MFAP5: variants seen among roughly 807,000 people sequenced by gnomAD.
MFAP5 encodes microfibril associated protein 5.
A neutral mutation model predicts 30.1 loss-of-function variants in MFAP5; 19 were observed. The ratio of observed to expected loss-of-function variants is 0.63; its 90% CI spans 0.44 to 0.93. The LOEUF (loss-of-function observed/expected upper bound fraction) is 0.93, where lower values mean the gene tolerates loss of function less well. Among genes scored for constraint, MFAP5 ranks in the 40% least tolerant of loss-of-function variants. The probability of loss-of-function intolerance (pLI) is 0.00; values close to 1 mark genes in which losing one functional copy is unlikely to be tolerated. For synonymous variants in MFAP5, 92 were observed against 72.9 expected, an observed-to-expected ratio of 1.26 and a Z score of -1.33; for missense variants, 210 against 221.3, an observed-to-expected ratio of 0.95 and a Z score of 0.32.
intron 3 of MFAP5, among the ~76,000 whole-genome samples, chr12:8,657,522 A>T (rs903184105): frequency 1.3e-5 from 2 of 150,554 alleles, no homozygotes; most frequent in African/African-American, 4.9e-5. Flanking sequence ...TTCATAATCC[A>T]TTCTACCCAC....
intron 6 of MFAP5, among the ~76,000 whole-genome samples, chr12:8,653,731 ATC>A (rs1941903070): frequency 6.6e-6 from 1 of 152,218 alleles, no homozygotes; most frequent in Admixed American, 6.5e-5. Context: ...GAATAAAGTT[ATC>A]TGTTTATTTG....
chr12:8,660,750 T>C, intron 3 of MFAP5, 113 bp downstream of exon 3: 1 of 156,374 alleles, frequency 6.4e-6, no homozygotes, highest in Non-Finnish European at 1.2e-5. Context: ...GGAAATATTC[T>C]TTTTTTTTTT....
chr12:8,650,065 A>G (rs906997904), intron 8 of MFAP5, among the ~76,000 whole-genome samples: 1 of 152,232 alleles, frequency 6.6e-6, no homozygotes, highest in African/African-American at 2.4e-5. Context: ...TTCATTTAGA[A>G]TAATGACCTC....
At chr12:8,656,264 G>A (rs1244727655) in intron 3 of MFAP5, among the ~76,000 whole-genome samples, 4 of 151,408 alleles carry the variant, frequency 2.6e-5, no homozygotes, top group African/African-American at 9.7e-5. Context: ...GTTTCACCGT[G>A]GTCTCGATCT....
chr12:8,656,251 G>A (rs1591572200), intron 3 of MFAP5, among the ~76,000 whole-genome samples: 2 of 150,700 alleles, frequency 1.3e-5, no homozygotes, highest in Non-Finnish European at 3.0e-5. Context: ...TAGTAGAGAC[G>A]GGGTTTCACC....
rs374268670 is a variant in MFAP5 at position 8,660,943 on chromosome 12, A to G, written c.59-45T>C. 7.3e-6 allele frequency: 11 copies of G among 1,514,936 alleles called. No individual in the cohort carries two copies. The African/African-American group carries it at 9.7e-5, about 13-fold the overall frequency. 93.8% of individuals were successfully genotyped at this position (1,514,936 alleles called of 1,614,324 possible). A position where few individuals can be genotyped will look rare whatever the true frequency, so the allele number is the denominator to read the frequency against. On this transcript the variant is annotated intron_variant, in intron 2 of 9. Transcript: ENST00000359478. ...AAGAGATGTGAGTGACTGCAGCTCT[A>G]TACCTCGTAACCCTTTTATGAGACA... is the stretch of plus-strand genomic sequence containing the variant.
chr12:8,661,018 C>T (rs1437438182), intron 2 of MFAP5, 120 bp from the exon 3 acceptor site: 12 of 755,594 alleles, frequency 1.6e-5, no homozygotes, highest in East Asian at 2.5e-5. Flanking sequence ...GTGACTTATT[C>T]CTATATAGCT....
chr12:8,653,603 C>T (rs1201384786), intron 6 of MFAP5, among the ~76,000 whole-genome samples: 1 of 152,162 alleles, frequency 6.6e-6, no homozygotes, highest in Non-Finnish European at 1.5e-5. Context: ...GCAGCTTAGT[C>T]AAATGTGCCC....
chr12:8,653,201 A>G (rs138449953), intron 6 of MFAP5, among the ~76,000 whole-genome samples: 1,958 of 151,868 alleles, frequency 0.013, 45 homozygotes, highest in African/African-American at 0.045. Flanking sequence ...TCAAAAAAAA[A>G]AAAAAAGAAA....
chr12:8,662,236 ACTCAAACC>A (rs1392472248), intron 1 of MFAP5, 130 bp from the exon 2 acceptor site: 7 of 677,040 alleles, frequency 1.0e-5, no homozygotes, highest in Non-Finnish European at 1.5e-5. Flanking sequence ...TTCCCTTATG[ACTCAAACC>A]CTTTCTCTCT....
At chr12:8,662,440 G>A (rs775939815) in intron 1 of MFAP5, 187 bp downstream of exon 1, 78 of 255,194 alleles carry the variant, frequency 3.1e-4, no homozygotes, top group African/African-American at 1.6e-3. Context: ...TCTCATATGC[G>A]TGACTTTTTC....
In MFAP5 at chr12:8,659,725, A is replaced by ATATAT. The variant is rs149818512; in HGVS notation, c.94+1137_94+1138insATATA. On this transcript the variant is annotated intron_variant, in intron 3 of 9. Coordinates refer to ENST00000359478, the MANE Select transcript of MFAP5 (RefSeq NM_003480.4). ...TGTACCAGGACCCACTGCAAGAAAA[A>ATATAT]TATACTGTACCCTGGTATATACATA... 4.2e-3 allele frequency among the ~76,000 whole-genome samples: 647 copies of ATATAT among 152,318 alleles called. 3 individuals carry two copies. The highest frequency in any genetic ancestry group is 0.012 in the African/African-American group (483 of 41,562).
At chr12:8,654,603 A>G (rs1234362614) in intron 5 of MFAP5, 122 bp from the exon 6 acceptor site, 3 of 869,992 alleles carry the variant, frequency 3.4e-6, no homozygotes. Context: ...TTTGTGTTTT[A>G]TGTATAAGGG....
intron 8 of MFAP5, among the ~76,000 whole-genome samples, 157 bp from the exon 9 acceptor site, chr12:8,649,731 G>A (rs1160294733): frequency 6.6e-6 from 1 of 152,034 alleles, no homozygotes; most frequent in Non-Finnish European, 1.5e-5. Context: ...TCAGACTTTT[G>A]CCCCCCAACT....
intron 3 of MFAP5, among the ~76,000 whole-genome samples, chr12:8,656,573 A>AATATATATATAT (rs71957081): frequency 7.8e-5 from 10 of 128,536 alleles, no homozygotes; most frequent in African/African-American, 3.3e-4. Context: ...ATGCCTGGCT[A>AATATATATATAT]ATATATATAT....
intron 3 of MFAP5, among the ~76,000 whole-genome samples, chr12:8,660,049 GTC>G (rs1591576917): frequency 2.0e-5 from 3 of 152,206 alleles, no homozygotes; most frequent in East Asian, 3.9e-4. Flanking sequence ...TCCTCTAGGG[GTC>G]ACAACTTTTG....
intron 6 of MFAP5, among the ~76,000 whole-genome samples, chr12:8,653,724 TAA>T (rs1941902633): frequency 6.6e-6 from 1 of 152,220 alleles, no homozygotes; most frequent in South Asian, 2.1e-4. Flanking sequence ...TGAAACTGAA[TAA>T]AGTTATCTGT....
chr12:8,655,429 G>A lies in MFAP5; in HGVS notation c.158C>T (p.Ala53Val), dbSNP rs1941954197. The change falls in exon 5 of 10, where the codon GCT becomes GTT. Residue 53 changes from alanine to valine, a missense_variant. Transcript: ENST00000359478. The stretch of plus-strand genomic sequence containing the variant: ...GTAAAATTTACCTGTTTCATCTGTA[G>A]CGGGATCATTCACCAGATCTGCAAA... ...TEDPNLVNDP[A>V]TDETVLAVLA... is the part of the protein sequence containing the mutation. The A allele has an allele frequency of 6.2e-7, 1 of 1,606,042 alleles. No homozygotes were observed. Among genetic ancestry groups the A allele is most frequent in the Middle Eastern group, 1.7e-4 (1 of 6,016 alleles).
At chr12:8,653,719 C>A (rs1941902339) in intron 6 of MFAP5, among the ~76,000 whole-genome samples, 1 of 152,120 alleles carries the variant, frequency 6.6e-6, no homozygotes, top group Admixed American at 6.5e-5. Context: ...TTTTGTGAAA[C>A]TGAATAAAGT....
Sources: gnomAD v4.1 joint callset for allele counts (sites outside exome capture counted in the v4.1 genomes callset) on GRCh38, gnomAD v4.1.1 for gene constraint, MANE v1.5 for transcripts, NCBI Gene and HGNC (gene_info 2026-07-23, HGNC 2026-07-21) for gene names.